SUMF1: variants seen among roughly 807,000 people sequenced by gnomAD.
The protein encoded by SUMF1 is sulfatase modifying factor 1.
Under a neutral mutation model 47.6 loss-of-function variants are expected in SUMF1, and 48 were observed. The ratio of observed to expected loss-of-function variants is 1.01; its 90% confidence interval spans 0.80 to 1.28. SUMF1 has a LOEUF of 1.28. SUMF1 is among the 50% of genes most tolerant of loss of function. SUMF1 has a pLI of 0.00. For missense variants in SUMF1, 571 were observed against 485.4 expected (o/e 1.18, Z -1.66); for synonymous variants, 230 against 192.1 (o/e 1.20, Z -1.63).
chr3:4,049,118 A>G (rs1048629362), intron 9 of SUMF1, among the ~76,000 whole-genome samples: 1 of 152,302 alleles, frequency 6.6e-6, no homozygotes, highest in East Asian at 1.9e-4. Flanking sequence ...TATGATAAAC[A>G]CAGCAGCTTA....
intron 8 of SUMF1, among the ~76,000 whole-genome samples, chr3:4,345,771 T>C (rs556158179): frequency 2.6e-5 from 4 of 152,098 alleles, no homozygotes; most frequent in Admixed American, 6.5e-5. Flanking sequence ...CCCATCAGCA[T>C]GCTGTATTCA....
chr3:4,460,758 A>C (rs1220787860), intron 1 of SUMF1, among the ~76,000 whole-genome samples: 1 of 151,870 alleles, frequency 6.6e-6, no homozygotes, highest in Non-Finnish European at 1.5e-5. Flanking sequence ...TCTGGTCTCA[A>C]GCAACTCTCC....
At chr3:4,342,273 C>T (rs1200094475) in intron 8 of SUMF1, among the ~76,000 whole-genome samples, 1 of 152,210 alleles carries the variant, frequency 6.6e-6, no homozygotes, top group Non-Finnish European at 1.5e-5. Context: ...TGGCTCACAC[C>T]TGTAATCTCA....
chr3:4,191,859 A>G (rs1369725248), intron 8 of SUMF1, among the ~76,000 whole-genome samples: 2 of 152,162 alleles, frequency 1.3e-5, no homozygotes, highest in African/African-American at 2.4e-5. Context: ...AAGAATTACA[A>G]TACAGTGTGA....
chr3:4,222,387 T>C (rs888111985), intron 8 of SUMF1, among the ~76,000 whole-genome samples: 11 of 152,030 alleles, frequency 7.2e-5, no homozygotes, highest in Admixed American at 7.2e-4. Flanking sequence ...TTCTCATCAT[T>C]ATTTTTCTGT....
chr3:4,248,875 C>A (rs1303403115), intron 8 of SUMF1, among the ~76,000 whole-genome samples: 2 of 152,206 alleles, frequency 1.3e-5, no homozygotes, highest in East Asian at 3.8e-4. Context: ...CCCACCTACC[C>A]ACACTGTGGC....
chr3:4,150,562 ATG>A (rs2125104749), intron 8 of SUMF1, among the ~76,000 whole-genome samples: 1 of 142,204 alleles, frequency 7.0e-6, no homozygotes, highest in African/African-American at 2.6e-5. Context: ...AAAAAAAAAA[ATG>A]TGTAGAGGCA....
chr3:4,318,060 T>TAC (rs767055862), intron 8 of SUMF1, among the ~76,000 whole-genome samples: 7 of 151,778 alleles, frequency 4.6e-5, no homozygotes, highest in Middle Eastern at 3.4e-3. Context: ...GTTACATACA[T>TAC]ACACACACAC....
intron 8 of SUMF1, chr3:4,317,649 A>G (rs1415597449): frequency 6.4e-6 from 1 of 156,260 alleles, no homozygotes; most frequent in Non-Finnish European, 1.4e-5. Context: ...TCAAATTACT[A>G]TTCACAAAAT....
rs112486538 is a variant in SUMF1 at position 4,304,869 on chromosome 3, G to A, written c.1014+71461C>T. On this transcript the variant is annotated intron_variant and NMD_transcript_variant, in intron 8 of 12. Transcript: ENST00000448413. ...GAGAACATGTGTCCCAGGTGGTTAG[G>A]GCACAGCCTGGTTTTATACATGTTT... 2.0e-5 allele frequency among the ~76,000 whole-genome samples: 3 copies of A among 152,060 alleles called. 1 individual carries two copies. Among genetic ancestry groups the A allele is most frequent in the African/African-American group, 7.2e-5 (3 of 41,484 alleles).
intron 8 of SUMF1, among the ~76,000 whole-genome samples, chr3:4,109,998 G>A (rs1477479133): frequency 1.3e-4 from 20 of 152,080 alleles, no homozygotes; most frequent in Non-Finnish European, 2.1e-4. Context: ...GAGGAGAGGC[G>A]CTCTGATTTT....
chr3:4,054,143 T>C (rs1056432958), intron 9 of SUMF1, among the ~76,000 whole-genome samples: 2 of 151,426 alleles, frequency 1.3e-5, no homozygotes, highest in Non-Finnish European at 2.9e-5. Context: ...CAATACCATT[T>C]GTTGAGCTGA....
At chr3:4,331,712 C>A (rs1699055389) in intron 8 of SUMF1, among the ~76,000 whole-genome samples, 2 of 152,154 alleles carry the variant, frequency 1.3e-5, no homozygotes, top group Non-Finnish European at 2.9e-5. Flanking sequence ...CACCTGTAAT[C>A]CCAGCCACTC....
downstream of SUMF1, among the ~76,000 whole-genome samples, chr3:4,356,742 G>C (rs915515089): frequency 6.6e-6 from 1 of 152,156 alleles, no homozygotes; most frequent in African/African-American, 2.4e-5. Flanking sequence ...TAAAAACTCA[G>C]AAGGCTTCAC....
chr3:4,193,967 T>TA (rs1695375972), intron 8 of SUMF1, among the ~76,000 whole-genome samples: 1 of 152,118 alleles, frequency 6.6e-6, no homozygotes, highest in Non-Finnish European at 1.5e-5. Context: ...TAGGCCACAA[T>TA]ACAGGCCAAC....
Position 4,423,012 on chromosome 3 carries a change from T to G in SUMF1, c.520-2866A>C, listed in dbSNP as rs528964763. Among the ~76,000 whole-genome samples the G allele has an allele frequency of 1.4e-4, 21 of 152,256 alleles. No homozygotes were observed. In the South Asian group the frequency reaches 4.3e-3, roughly 32 times the overall value. Reference sequence around the variant, plus strand: ...TGCATCCTCATAGCTTAGCTCCCACTTATAAGTGAGAACATATGTTGTTTG... The same window carrying G: ...TGCATCCTCATAGCTTAGCTCCCACGTATAAGTGAGAACATATGTTGTTTG... On this transcript the variant is annotated intron_variant, in intron 3 of 8. Coordinates refer to ENST00000272902, the MANE Select transcript of SUMF1 (RefSeq NM_182760.4).
intron 8 of SUMF1, among the ~76,000 whole-genome samples, chr3:4,211,681 T>C (rs753319958): frequency 1.8e-4 from 28 of 152,132 alleles, no homozygotes; most frequent in Non-Finnish European, 2.2e-4. Context: ...CTACAAGGTA[T>C]TGGTACTATA....
chr3:4,120,694 T>C (rs1693521272), intron 8 of SUMF1, among the ~76,000 whole-genome samples: 2 of 152,076 alleles, frequency 1.3e-5, no homozygotes, highest in African/African-American at 4.8e-5. Context: ...GGAAGAGGTT[T>C]GGGCAAAGTG....
At chr3:4,288,804 GA>G (rs11436057) in intron 8 of SUMF1, among the ~76,000 whole-genome samples, 2,355 of 146,980 alleles carry the variant, frequency 0.016, 44 homozygotes, top group African/African-American at 0.029. Flanking sequence ...ACTCTGTCTA[GA>G]AAAAAAAAAA....
Sources: gnomAD v4.1 joint callset for allele counts (sites outside exome capture counted in the v4.1 genomes callset) on GRCh38, gnomAD v4.1.1 for gene constraint, MANE v1.5 for transcripts, NCBI Gene and HGNC (gene_info 2026-07-23, HGNC 2026-07-21) for gene names.